PACRG: variants seen among roughly 807,000 people sequenced by gnomAD.
The protein encoded by PACRG is parkin coregulated gene protein.
A neutral mutation model predicts 29.7 loss-of-function variants in PACRG; 29 were observed. That is an observed-to-expected ratio of 0.98 (90% CI 0.73 to 1.33). The LOEUF is 1.33. PACRG is among the 40% of genes most tolerant of loss of function. The probability of loss-of-function intolerance (pLI) is 0.00; values close to 1 mark genes in which losing one functional copy is unlikely to be tolerated. For synonymous variants in PACRG, 116 were observed against 118.7 expected (o/e 0.98, Z 0.15); for missense variants, 279 against 316.2 (o/e 0.88, Z 0.89).
chr6:163,220,537 C>G (rs1781543580), intron 4 of PACRG, among the ~76,000 whole-genome samples: 1 of 152,172 alleles, frequency 6.6e-6, no homozygotes, highest in Admixed American at 6.5e-5. Context: ...TTTGGGAAAA[C>G]TCACAGAATG....
chr6:163,111,088 G>A (rs1444345374), intron 4 of PACRG, among the ~76,000 whole-genome samples: 1 of 150,852 alleles, frequency 6.6e-6, no homozygotes, highest in Non-Finnish European at 1.5e-5. Flanking sequence ...TTATAGTCAA[G>A]CAATTCATTC....
intron 4 of PACRG, among the ~76,000 whole-genome samples, chr6:163,112,865 T>C (rs923237153): frequency 6.6e-6 from 1 of 152,214 alleles, no homozygotes; most frequent in African/African-American, 2.4e-5. Context: ...CAGGAAAGTA[T>C]TGTCCATTCA....
chr6:163,210,571 A>G (rs1781095906), intron 4 of PACRG, among the ~76,000 whole-genome samples: 1 of 152,222 alleles, frequency 6.6e-6, no homozygotes, highest in Non-Finnish European at 1.5e-5. Flanking sequence ...TCCTCTTCCA[A>G]AGCACATGGA....
At chr6:162,861,719 A>G (rs1215198673) in intron 2 of PACRG, among the ~76,000 whole-genome samples, 1 of 152,142 alleles carries the variant, frequency 6.6e-6, no homozygotes, top group Non-Finnish European at 1.5e-5. Flanking sequence ...TGCTGGCAGA[A>G]AGTCTTGGGT....
Position 163,246,581 on chromosome 6 carries a change from G to A in PACRG, c.614-68246G>A, listed in dbSNP as rs147757689. 4.4e-3 allele frequency among the ~76,000 whole-genome samples: 675 copies of A among 152,316 alleles called. 6 individuals are homozygous for A. The highest frequency in any genetic ancestry group is 0.013 in the African/African-American group (550 of 41,562). Reference sequence around the variant, plus strand: ...ATTCCACCAACTAGAGAGGCAGCATGTGAGAACAGGGGCTCTGTCTCACTC... The same window carrying A: ...ATTCCACCAACTAGAGAGGCAGCATATGAGAACAGGGGCTCTGTCTCACTC... On this transcript the variant is annotated intron_variant, in intron 4 of 4. Transcript: ENST00000366888.
At chr6:163,111,815 C>T (rs893427810) in intron 4 of PACRG, among the ~76,000 whole-genome samples, 1 of 152,206 alleles carries the variant, frequency 6.6e-6, no homozygotes, top group Non-Finnish European at 1.5e-5. Context: ...GAGGGACGTG[C>T]TTGCAAGCTT....
chr6:163,183,937 T>C (rs1208758884), intron 4 of PACRG, among the ~76,000 whole-genome samples: 1 of 152,234 alleles, frequency 6.6e-6, no homozygotes. Context: ...ATTCTTGTTC[T>C]GTAGGAAGCT....
intron 2 of PACRG, among the ~76,000 whole-genome samples, chr6:163,004,724 GTGTA>G (rs1314839992): frequency 6.9e-5 from 9 of 130,760 alleles, no homozygotes; most frequent in Admixed American, 3.6e-4. Flanking sequence ...GTGTGTGTGT[GTGTA>G]TATATATATA....
At chr6:163,071,690 A>T (rs1812068777) in intron 3 of PACRG, among the ~76,000 whole-genome samples, 2 of 132,610 alleles carry the variant, frequency 1.5e-5, no homozygotes, top group South Asian at 5.3e-4. Flanking sequence ...TAAAGACCAG[A>T]TCTAAGTTAG....
At chr6:163,148,189 C>T (rs1029127320) in intron 4 of PACRG, among the ~76,000 whole-genome samples, 1 of 152,260 alleles carries the variant, frequency 6.6e-6, no homozygotes, top group South Asian at 2.1e-4. Context: ...AAATTGGCAG[C>T]CTGAGTGTTT....
At chr6:163,293,313 T>C (rs1425356263) in intron 4 of PACRG, among the ~76,000 whole-genome samples, 4 of 152,184 alleles carry the variant, frequency 2.6e-5, no homozygotes, top group African/African-American at 9.7e-5. Context: ...AGTAAGCCAG[T>C]GTGTGGGCAC....
Position 163,099,429 on chromosome 6 carries a change from T to C in PACRG, c.613+10021T>C, listed in dbSNP as rs568868355. Among the ~76,000 whole-genome samples, 8 of 152,302 alleles carry C rather than the reference T, an allele frequency of 5.3e-5. No individual in the cohort carries two copies. In the East Asian group the frequency reaches 1.2e-3, roughly 22 times the overall value. Reference sequence around the variant, plus strand: ...TTCGCCCAAGAGAAAATAGCGTTCTTTTCTATTTATGCAACAGAAAGTTTT... The same window carrying C: ...TTCGCCCAAGAGAAAATAGCGTTCTCTTCTATTTATGCAACAGAAAGTTTT... On this transcript the variant is annotated intron_variant, in intron 4 of 4. Coordinates refer to ENST00000366888, the MANE Select transcript of PACRG (RefSeq NM_001080379.2).
chr6:162,880,788 C>T (rs575285160), intron 2 of PACRG, among the ~76,000 whole-genome samples: 9 of 152,264 alleles, frequency 5.9e-5, no homozygotes, highest in African/African-American at 9.6e-5. Context: ...AATCATCTTC[C>T]GAGATACCCT....
At chr6:163,082,878 A>G (rs1813210051) in intron 3 of PACRG, among the ~76,000 whole-genome samples, 1 of 152,208 alleles carries the variant, frequency 6.6e-6, no homozygotes, top group Non-Finnish European at 1.5e-5. Flanking sequence ...TGGGCTTAGC[A>G]TTCTTTCCTA....
rs1204007382 is a variant in PACRG at position 163,199,340 on chromosome 6, T to G, written c.613+109932T>G. ...AGAAACTAGAGATTCTAATCCACTT[T>G]CACCAGAGGGCCTTCAGCTAGGACA... is the stretch of plus-strand genomic sequence containing the variant. On this transcript the variant is annotated intron_variant, in intron 4 of 4. Transcript: ENST00000366888. Among the ~76,000 whole-genome samples, 4 of 152,214 alleles carry G rather than the reference T, an allele frequency of 2.6e-5. No homozygotes were observed. The East Asian group carries it at 7.7e-4, about 29-fold the overall frequency.
At chr6:163,158,212 T>C (rs555131272) in intron 4 of PACRG, among the ~76,000 whole-genome samples, 1 of 152,322 alleles carries the variant, frequency 6.6e-6, no homozygotes, top group Admixed American at 6.5e-5. Flanking sequence ...TTAAGAATTG[T>C]ACCTACAGGG....
In PACRG at chr6:163,243,330, C is replaced by T. The variant is rs368020748; in HGVS notation, c.614-71497C>T. Among the ~76,000 whole-genome samples the T allele has an allele frequency of 1.7e-4, 26 of 152,320 alleles. No homozygotes were observed. The East Asian group carries it at 2.1e-3, about 12-fold the overall frequency. Reference sequence around the variant, plus strand: ...AAGGGGAGGGGCATGTGCCTGGCACCAAGTTATGCCTTCAGTAGAAATGTG... The same window carrying T: ...AAGGGGAGGGGCATGTGCCTGGCACTAAGTTATGCCTTCAGTAGAAATGTG... On this transcript the variant is annotated intron_variant, in intron 4 of 4. Transcript: ENST00000366888.
At chr6:163,180,862 T>A (rs1400638403) in intron 4 of PACRG, among the ~76,000 whole-genome samples, 4 of 152,182 alleles carry the variant, frequency 2.6e-5, no homozygotes, top group Admixed American at 6.5e-5. Context: ...TCTCCTGGAG[T>A]CACCAGGCAC....
intron 4 of PACRG, among the ~76,000 whole-genome samples, chr6:163,308,665 C>CAA (rs34275762): frequency 0.013 from 1,668 of 131,396 alleles, 35 homozygotes; most frequent in African/African-American, 0.041. Flanking sequence ...GGCTCCGTCT[C>CAA]AAAAAAAAAA....
Sources: gnomAD v4.1 joint callset for allele counts (sites outside exome capture counted in the v4.1 genomes callset) on GRCh38, gnomAD v4.1.1 for gene constraint, MANE v1.5 for transcripts, NCBI Gene and HGNC (gene_info 2026-07-23, HGNC 2026-07-21) for gene names.